LHFPL3: variants seen among roughly 807,000 people sequenced by gnomAD.
LHFPL3 encodes the protein LHFPL tetraspan subfamily member 3 protein.
Under a neutral mutation model 19.3 loss-of-function variants are expected in LHFPL3, and 5 were observed. The observed-to-expected ratio is 0.26, with a 90% CI of 0.14 to 0.54. The LOEUF is 0.54. Among genes scored for constraint, LHFPL3 ranks in the 20% least tolerant of loss-of-function variants. The pLI is 0.94. For synonymous variants in LHFPL3, 133 were observed against 126.2 expected, an observed-to-expected ratio of 1.05 and a Z score of -0.36; for missense variants, 249 against 307.4, an observed-to-expected ratio of 0.81 and a Z score of 1.42.
intron 2 of LHFPL3, among the ~76,000 whole-genome samples, chr7:104,763,297 T>A (rs1794406797): frequency 6.6e-6 from 1 of 152,178 alleles, no homozygotes; most frequent in Admixed American, 6.5e-5. Context: ...AATCCCCAGA[T>A]ATCTCGTTCC....
At chr7:104,393,558 A>C (rs1253463298) in intron 1 of LHFPL3, among the ~76,000 whole-genome samples, 6 of 152,210 alleles carry the variant, frequency 3.9e-5, no homozygotes, top group Admixed American at 2.0e-4. Context: ...TCTACTAAAA[A>C]TACAAAAATT....
chr7:104,824,880 ATATAT>A (rs1284570310), intron 2 of LHFPL3, among the ~76,000 whole-genome samples: 2 of 134,798 alleles, frequency 1.5e-5, no homozygotes, highest in African/African-American at 2.8e-5. Context: ...TAATAATTAT[ATATAT>A]TATATAATAA....
chr7:104,664,630 A>G (rs995425937), intron 1 of LHFPL3, among the ~76,000 whole-genome samples: 2 of 152,202 alleles, frequency 1.3e-5, no homozygotes, highest in Non-Finnish European at 2.9e-5. Flanking sequence ...AGCATAGATA[A>G]TGACTGAGCA....
intron 1 of LHFPL3, among the ~76,000 whole-genome samples, chr7:104,460,687 T>A (rs1193670787): frequency 6.6e-6 from 1 of 152,188 alleles, no homozygotes; most frequent in African/African-American, 2.4e-5. Flanking sequence ...CCCACTTTTT[T>A]AATGGGGTTA....
At chr7:104,527,039 A>G (rs1485068114) in intron 1 of LHFPL3, among the ~76,000 whole-genome samples, 1 of 152,222 alleles carries the variant, frequency 6.6e-6, no homozygotes, top group Non-Finnish European at 1.5e-5. Flanking sequence ...AGACCATTCC[A>G]AGAAGATAAG....
intron 1 of LHFPL3, among the ~76,000 whole-genome samples, chr7:104,356,478 G>A (rs1387429232): frequency 6.6e-6 from 1 of 152,174 alleles, no homozygotes; most frequent in East Asian, 1.9e-4. Context: ...GTCAGAAGTA[G>A]TTTCATTTGG....
At chr7:104,893,884 G>A (rs758944677) in intron 2 of LHFPL3, among the ~76,000 whole-genome samples, 9 of 151,858 alleles carry the variant, frequency 5.9e-5, no homozygotes, top group African/African-American at 1.7e-4. Flanking sequence ...CCTGGGAGGC[G>A]GAGGTTGCAG....
At chr7:104,554,490 G>T (rs555541976) in intron 1 of LHFPL3, among the ~76,000 whole-genome samples, 9 of 152,120 alleles carry the variant, frequency 5.9e-5, no homozygotes, top group African/African-American at 1.9e-4. Context: ...TAATAAATTA[G>T]CTCGTGTTAT....
At chr7:104,586,539 T>G (rs903723762) in intron 1 of LHFPL3, among the ~76,000 whole-genome samples, 9 of 152,266 alleles carry the variant, frequency 5.9e-5, no homozygotes, top group Admixed American at 2.6e-4. Flanking sequence ...ATAAAATACA[T>G]TTTTTTCTAT....
intron 1 of LHFPL3, among the ~76,000 whole-genome samples, chr7:104,593,968 A>G (rs1181400020): frequency 1.3e-5 from 2 of 152,136 alleles, no homozygotes; most frequent in African/African-American, 4.8e-5. Flanking sequence ...TCCTGAATAT[A>G]GCACACTCAT....
intron 1 of LHFPL3, among the ~76,000 whole-genome samples, chr7:104,365,982 G>A (rs1275805277): frequency 6.6e-6 from 1 of 152,072 alleles, no homozygotes; most frequent in African/African-American, 2.4e-5. Context: ...CAGTTGGCAT[G>A]GCGTGTTTTT....
At chr7:104,416,731 C>G (rs891049014) in intron 1 of LHFPL3, among the ~76,000 whole-genome samples, 1 of 152,158 alleles carries the variant, frequency 6.6e-6, no homozygotes, top group African/African-American at 2.4e-5. Flanking sequence ...TATTAAAGTA[C>G]GTATCTTAGT....
intron 1 of LHFPL3, among the ~76,000 whole-genome samples, chr7:104,336,871 C>A (rs982672453): frequency 4.6e-5 from 7 of 152,108 alleles, no homozygotes; most frequent in Admixed American, 2.0e-4. Flanking sequence ...AGTTGTAGAT[C>A]TGAAAAGAGG....
chr7:104,885,478 C>T (rs1392627142), intron 2 of LHFPL3, among the ~76,000 whole-genome samples: 1 of 152,188 alleles, frequency 6.6e-6, no homozygotes, highest in Non-Finnish European at 1.5e-5. Flanking sequence ...ACCCCACTCA[C>T]TCAGATGGAC....
chr7:104,659,087 T>C (rs1403821482), intron 1 of LHFPL3, among the ~76,000 whole-genome samples: 1 of 152,216 alleles, frequency 6.6e-6, no homozygotes, highest in Non-Finnish European at 1.5e-5. Flanking sequence ...TTCTGTGCCT[T>C]TGCATGTGAC....
rs557256322 is a variant in LHFPL3 at position 104,732,148 on chromosome 7, G to T, written c.446-4527G>T. On this transcript the variant is annotated intron_variant, in intron 1 of 2. Transcript: ENST00000424859. ...TGCCAGTATTTTATTGAGGATTTTT[G>T]CATCAATGTTCATCAGGGATATTGA... Among the ~76,000 whole-genome samples the T allele has an allele frequency of 5.3e-5, 8 of 152,196 alleles. No homozygotes were observed. The South Asian group carries it at 1.7e-3, about 32-fold the overall frequency.
chr7:104,421,468 C>A (rs953488610), intron 1 of LHFPL3, among the ~76,000 whole-genome samples: 5 of 151,932 alleles, frequency 3.3e-5, no homozygotes, highest in African/African-American at 1.2e-4. Context: ...GGTAAAGAAA[C>A]AAAATGTGAT....
intron 2 of LHFPL3, among the ~76,000 whole-genome samples, chr7:104,800,780 G>A (rs988070237): frequency 8.5e-5 from 13 of 152,102 alleles, no homozygotes; most frequent in Admixed American, 4.6e-4. Context: ...AAAAGTTGGC[G>A]CAGGAGTTGA....
chr7:104,555,395 G>A (rs921787550), intron 1 of LHFPL3, among the ~76,000 whole-genome samples: 2 of 152,164 alleles, frequency 1.3e-5, no homozygotes, highest in African/African-American at 2.4e-5. Context: ...CATGGCTGGG[G>A]AGGCCTCACA....
Sources: gnomAD v4.1 joint callset for allele counts (sites outside exome capture counted in the v4.1 genomes callset) on GRCh38, gnomAD v4.1.1 for gene constraint, MANE v1.5 for transcripts, NCBI Gene and HGNC (gene_info 2026-07-23, HGNC 2026-07-21) for gene names.